Variants in TTC28 observed in about 807,000 individuals in gnomAD.
TTC28 encodes the protein tetratricopeptide repeat protein 28.
A neutral mutation model predicts 198.0 loss-of-function variants in TTC28; 61 were observed. That is an observed-to-expected ratio of 0.31 (90% confidence interval 0.25 to 0.38). The LOEUF is 0.38. TTC28 is among the 10% of genes least tolerant of loss of function. The pLI is 1.00. For synonymous variants in TTC28, 1,171 were observed against 1,297.8 expected (o/e 0.90, Z 2.10); for missense variants, 2,678 against 3,164.0 (o/e 0.85, Z 3.69).
In TTC28 at chr22:27,983,511, A is replaced by T; in HGVS notation, c.6156T>A (p.Asp2052Glu). 2 of 1,548,774 alleles carry T rather than the reference A, an allele frequency of 1.3e-6. No individual in the cohort carries two copies. The highest frequency in any genetic ancestry group is 1.7e-6 in the Non-Finnish European group (2 of 1,146,294). ...PPQTRPAGNK[D>E]EEEYEGFSII... ...TAGAAAACCCTTCATATTCTTCTTC[A>T]TCTTTGTTGCCTGCAGGGCGGGTCT... Residue 2052 changes from aspartate (D) to glutamate (E), a missense_variant, in exon 23 of 23, where the codon GAT becomes GAA. Asp to Glu is a conservative substitution (Grantham distance 45, BLOSUM62 2). Transcript: ENST00000397906.
At chr22:28,657,631 T>C (rs1419614244) in intron 1 of TTC28, among the ~76,000 whole-genome samples, 5 of 152,216 alleles carry the variant, frequency 3.3e-5, no homozygotes, top group Non-Finnish European at 5.9e-5. Flanking sequence ...ATAATCCCAA[T>C]GCTTTGGGAG....
Position 27,983,325 on chromosome 22 carries a change from C to CA in TTC28, c.6341dup (p.Ile2115AspfsTer26), listed in dbSNP as rs1937089009. 1 of 1,551,988 alleles carries CA rather than the reference C, an allele frequency of 6.4e-7. No individual in the cohort carries two copies. The highest frequency in any genetic ancestry group is 8.7e-7 in the Non-Finnish European group (1 of 1,147,092). On this transcript the variant is annotated frameshift_variant, in exon 23 of 23. Coordinates refer to ENST00000397906, the MANE Select transcript of TTC28 (RefSeq NM_001145418.2). LOFTEE classifies it low-confidence loss of function (END_TRUNC). ...GGAAGGGTGAGTTGGGGCTGGGAAT[C>CA]AGAGTCATTTTCACTGGAGAATTTG... is the stretch of plus-strand genomic sequence containing the variant.
At chr22:28,137,984 C>T (rs1431542579) in intron 6 of TTC28, among the ~76,000 whole-genome samples, 1 of 152,010 alleles carries the variant, frequency 6.6e-6, no homozygotes, top group Non-Finnish European at 1.5e-5. Flanking sequence ...CACTGCACTC[C>T]AGCCTGGGTG....
intron 1 of TTC28, among the ~76,000 whole-genome samples, chr22:28,674,103 T>C (rs1488625160): frequency 1.3e-5 from 2 of 152,140 alleles, no homozygotes; most frequent in South Asian, 2.1e-4. Context: ...ATATTCTATA[T>C]AGCAACCTTG....
chr22:28,391,660 A>G (rs1472058028), intron 2 of TTC28, among the ~76,000 whole-genome samples: 4 of 151,978 alleles, frequency 2.6e-5, no homozygotes, highest in Non-Finnish European at 4.4e-5. Flanking sequence ...TGCATTCTTC[A>G]CATAGTTCTC....
At chr22:28,478,006 C>G (rs1353153015) in intron 2 of TTC28, among the ~76,000 whole-genome samples, 1 of 152,186 alleles carries the variant, frequency 6.6e-6, no homozygotes, top group East Asian at 1.9e-4. Context: ...CTTACAGCAA[C>G]TGGACCACCC....
intron 2 of TTC28, among the ~76,000 whole-genome samples, chr22:28,333,759 A>G (rs1391594195): frequency 1.3e-5 from 2 of 152,138 alleles, no homozygotes; most frequent in Non-Finnish European, 2.9e-5. Context: ...TTTGTTAATT[A>G]TGGTGAAAAA....
intron 12 of TTC28, among the ~76,000 whole-genome samples, chr22:28,072,005 A>G (rs1941001066): frequency 6.6e-6 from 1 of 152,166 alleles, no homozygotes; most frequent in African/African-American, 2.4e-5. Context: ...TCAAGTTTTG[A>G]GATGTGGATG....
In TTC28 at chr22:28,005,089, CAGA is replaced by C. The variant is rs1937882023; in HGVS notation, c.4219-3539_4219-3537del. 1.3e-5 allele frequency among the ~76,000 whole-genome samples: 2 copies of C among 152,218 alleles called. No individual in the cohort carries two copies. The highest frequency in any genetic ancestry group is 6.5e-5 in the Admixed American group (1 of 15,286). The stretch of plus-strand genomic sequence containing the variant: ...TTTCTAGTAATGGGATTTCTGAAAG[CAGA>C]AGATGACAGGGCCAGGTGCACTAGA... On this transcript the variant is annotated intron_variant, in intron 14 of 22. Coordinates refer to ENST00000397906, the MANE Select transcript of TTC28 (RefSeq NM_001145418.2). The surrounding 1 kb of genome is among the most constrained non-coding windows in gnomAD (Gnocchi z 4.9).
chr22:28,170,361 C>G (rs1922538475), intron 5 of TTC28, among the ~76,000 whole-genome samples: 1 of 151,848 alleles, frequency 6.6e-6, no homozygotes, highest in Admixed American at 6.6e-5. Context: ...TGGTTGCGGG[C>G]ACCTGTAGTC....
chr22:28,366,602 G>C (rs79082362), intron 2 of TTC28, among the ~76,000 whole-genome samples: 105 of 152,134 alleles, frequency 6.9e-4, no homozygotes, highest in Non-Finnish European at 1.4e-3. Flanking sequence ...CAATAATAAT[G>C]CTGAATGTAA....
intron 2 of TTC28, among the ~76,000 whole-genome samples, chr22:28,341,430 T>C (rs1174302686): frequency 1.3e-5 from 2 of 152,116 alleles, no homozygotes; most frequent in Admixed American, 6.6e-5. Context: ...TGTGGGAGAA[T>C]CACTTGAGGT....
intron 13 of TTC28, among the ~76,000 whole-genome samples, chr22:28,024,209 C>T (rs1938728836): frequency 6.6e-6 from 1 of 152,110 alleles, no homozygotes; most frequent in South Asian, 2.1e-4. Flanking sequence ...TGGCTCCCTA[C>T]CCGCAGATAA....
intron 2 of TTC28, among the ~76,000 whole-genome samples, chr22:28,569,293 TACG>T (rs2050026097): frequency 1.3e-5 from 2 of 151,834 alleles, no homozygotes; most frequent in South Asian, 4.2e-4. Context: ...CTTCAAACAA[TACG>T]ACAAGGCTAC....
chr22:28,041,969 A>C (rs1939656023), intron 12 of TTC28, among the ~76,000 whole-genome samples: 1 of 152,256 alleles, frequency 6.6e-6, no homozygotes, highest in Admixed American at 6.5e-5. Context: ...GCCAACAGAC[A>C]TATGAAAAAA....
chr22:27,996,177 G>A lies in TTC28; in HGVS notation c.5202C>T (p.His1734=). 1.3e-6 allele frequency: 2 copies of A among 1,551,130 alleles called. No homozygotes were observed. Among genetic ancestry groups the A allele is most frequent in the Non-Finnish European group, 1.7e-6 (2 of 1,147,020 alleles). The change falls in exon 17 of 23, where the codon CAC becomes CAT. Residue 1734 remains histidine (H), a synonymous_variant. Coordinates refer to ENST00000397906, the MANE Select transcript of TTC28 (RefSeq NM_001145418.2). ...IGQALTEILQ[H]PERARDALRV... ...GCAGGGCGTCCCGCGCACGCTCCGGGTGCTGCAGGATCTCTGTGAGGGCCT... is the reference window on the plus strand; with the variant it reads ...GCAGGGCGTCCCGCGCACGCTCCGGATGCTGCAGGATCTCTGTGAGGGCCT...
chr22:28,154,572 G>T (rs1324543543), intron 6 of TTC28, among the ~76,000 whole-genome samples: 1 of 151,952 alleles, frequency 6.6e-6, no homozygotes, highest in African/African-American at 2.4e-5. Flanking sequence ...TAGCCAGGAT[G>T]GTCTCGACCT....
At chr22:28,246,866 T>C (rs1346772295) in intron 5 of TTC28, among the ~76,000 whole-genome samples, 4 of 152,018 alleles carry the variant, frequency 2.6e-5, no homozygotes, top group African/African-American at 2.4e-5. Flanking sequence ...GAATAAGAGA[T>C]GGGGATGTGC....
intron 12 of TTC28, among the ~76,000 whole-genome samples, chr22:28,065,325 C>T (rs959128943): frequency 6.6e-6 from 1 of 152,240 alleles, no homozygotes; most frequent in South Asian, 2.1e-4. Context: ...CCACAGTTCA[C>T]AGTCTACATA....
Sources: allele counts gnomAD v4.1 joint callset (sites outside exome capture counted in the v4.1 genomes callset), GRCh38; gene constraint gnomAD v4.1.1; non-coding constraint Gnocchi (gnomAD v3.1); transcripts MANE v1.5; gene names NCBI Gene and HGNC (gene_info 2026-07-23, HGNC 2026-07-21).